DHX57: variants seen among roughly 807,000 people sequenced by gnomAD.
The protein encoded by DHX57 is DExH-box helicase 57, also known as putative ATP-dependent RNA helicase DHX57.
Under a neutral mutation model 156.2 loss-of-function variants are expected in DHX57, and 105 were observed. That is an observed-to-expected ratio of 0.67 (90% confidence interval 0.57 to 0.79). The LOEUF (loss-of-function observed/expected upper bound fraction) is 0.79. Among genes scored for constraint, DHX57 ranks in the 30% least tolerant of loss-of-function variants. The probability of loss-of-function intolerance (pLI) is 0.00; values close to 1 mark genes in which losing one functional copy is unlikely to be tolerated. For missense variants in DHX57, 1,847 were observed against 1,661.9 expected (o/e 1.11, Z -1.94); for synonymous variants, 704 against 595.6 (o/e 1.18, Z -2.65).
At chr2:38,862,908 C>T (rs1673310877) in intron 3 of DHX57, 1 of 156,230 alleles carries the variant, frequency 6.4e-6, no homozygotes, top group Non-Finnish European at 1.4e-5. Context: ...TTAACTTCTC[C>T]AACTGAAATC....
At chr2:38,871,085 T>G (rs771374892) in intron 1 of DHX57, among the ~76,000 whole-genome samples, 1 of 152,100 alleles carries the variant, frequency 6.6e-6, no homozygotes, top group Non-Finnish European at 1.5e-5. Flanking sequence ...GTAATTTAAA[T>G]CTACATGAAA....
At chr2:38,853,949 A>G (rs761517039) in intron 9 of DHX57, 105 bp downstream of exon 9, 7 of 1,168,050 alleles carry the variant, frequency 6.0e-6, no homozygotes, top group Non-Finnish European at 8.3e-6. Flanking sequence ...GTGGCAAATT[A>G]CCATTACTAG....
chr2:38,854,176 G>C lies in DHX57; in HGVS notation c.1908C>G (p.Ser636=), dbSNP rs760681806. 1.9e-6 allele frequency: 3 copies of C among 1,612,896 alleles called. No individual in the cohort carries two copies. Among genetic ancestry groups the C allele is most frequent in the East Asian group, 4.5e-5 (2 of 44,796 alleles). ...TGCAGTATAACAGTCTGGTGGCTGA[G>C]GACTTACACATGAAAGGGCAATATA... is the stretch of plus-strand genomic sequence containing the variant. ...GYQIRLESVK[S]SATRLLYCTT... The change falls in exon 9 of 24, where the codon TCC becomes TCG. Residue 636 remains serine, a splice_region_variant and synonymous_variant. Coordinates refer to ENST00000457308, the MANE Select transcript of DHX57 (RefSeq NM_198963.3).
At chr2:38,831,126 GA>G (rs531574739) in intron 13 of DHX57, among the ~76,000 whole-genome samples, 5 of 146,646 alleles carry the variant, frequency 3.4e-5, no homozygotes, top group Admixed American at 1.4e-4. Context: ...AAATACAAAG[GA>G]AAAAAAAAGC....
intron 1 of DHX57, among the ~76,000 whole-genome samples, chr2:38,873,476 A>G (rs748229683): frequency 6.6e-6 from 1 of 152,238 alleles, no homozygotes; most frequent in Non-Finnish European, 1.5e-5. Context: ...TTCAGAGTTT[A>G]TCTTAAGTTT....
chr2:38,820,975 G>A (rs1010952011), intron 17 of DHX57, among the ~76,000 whole-genome samples: 1 of 150,852 alleles, frequency 6.6e-6, no homozygotes, highest in Non-Finnish European at 1.5e-5. Context: ...CCATATGCTT[G>A]ACCATAAAAC....
intron 2 of DHX57, among the ~76,000 whole-genome samples, chr2:38,865,005 G>C (rs1664991319): frequency 1.3e-5 from 2 of 152,056 alleles, no homozygotes; most frequent in Admixed American, 1.3e-4. Flanking sequence ...GATCTTATTG[G>C]CTACTCTCCT....
At chr2:38,815,036 G>A (rs1027031588) in intron 20 of DHX57, among the ~76,000 whole-genome samples, 1 of 149,496 alleles carries the variant, frequency 6.7e-6, no homozygotes, top group African/African-American at 2.5e-5. Context: ...CTATTCTTAT[G>A]AGTGTTAGCT....
intron 1 of DHX57, among the ~76,000 whole-genome samples, chr2:38,870,867 A>G (rs1665320609): frequency 6.6e-6 from 1 of 152,052 alleles, no homozygotes; most frequent in South Asian, 2.1e-4. Context: ...TGACAGAGTG[A>G]GACTCCATCT....
Position 38,875,911 on chromosome 2 carries a change from A to C in DHX57, c.-131T>G, listed in dbSNP as rs1182402692. 3 of 396,636 alleles carry C rather than the reference A, an allele frequency of 7.6e-6. No homozygotes were observed. 24.6% of individuals were successfully genotyped at this position (396,636 alleles called of 1,614,324 possible). A position where few individuals can be genotyped will look rare whatever the true frequency, so the allele number is the denominator to read the frequency against. ...AGCAGCCCTGCGGTGGCCCAGCTGC[A>C]GCGGCACAGTCCCGGCGCCTTCTGA... On this transcript the variant is annotated 5_prime_UTR_variant, in exon 1 of 24. Transcript: ENST00000457308.
chr2:38,839,936 T>C (rs1671893008), intron 12 of DHX57, among the ~76,000 whole-genome samples: 1 of 152,020 alleles, frequency 6.6e-6, no homozygotes, highest in Non-Finnish European at 1.5e-5. Context: ...AAACTGAACA[T>C]AGTTTTGTTT....
intron 21 of DHX57, among the ~76,000 whole-genome samples, chr2:38,812,763 C>T (rs1360464045): frequency 1.3e-5 from 2 of 151,968 alleles, no homozygotes; most frequent in Admixed American, 1.3e-4. Context: ...GAACTCCTGA[C>T]CTCAGGCGAT....
At position 38,802,700 on chromosome 2, in the gene DHX57, C is replaced by A. The variant is rs779396477; in HGVS notation, c.4017+15G>T. 22 of 1,613,434 alleles carry A rather than the reference C, an allele frequency of 1.4e-5. No individual in the cohort carries two copies. The highest frequency in any genetic ancestry group is 1.8e-5 in the Non-Finnish European group (21 of 1,179,940). ...ATGGCCTGAGCCTCATAAAACAGAC[C>A]AATTCTGCCTTTACCTGATGGGAAG... is the stretch of plus-strand genomic sequence containing the variant. On this transcript the variant is annotated intron_variant, in intron 23 of 23. Coordinates refer to ENST00000457308, the MANE Select transcript of DHX57 (RefSeq NM_198963.3).
intron 13 of DHX57, among the ~76,000 whole-genome samples, chr2:38,837,162 T>C (rs1572665184): frequency 1.3e-5 from 2 of 152,182 alleles, no homozygotes; most frequent in East Asian, 3.9e-4. Flanking sequence ...ATTATTATAA[T>C]TATAATGTCA....
intron 21 of DHX57, among the ~76,000 whole-genome samples, chr2:38,807,317 A>C (rs967788616): frequency 1.9e-4 from 29 of 152,050 alleles, no homozygotes; most frequent in African/African-American, 7.0e-4. Flanking sequence ...GGCCTCCCAA[A>C]GTGCTGGATT....
chr2:38,856,816 T>G (rs1412781019), intron 6 of DHX57: 2 of 169,348 alleles, frequency 1.2e-5, no homozygotes, highest in African/African-American at 4.8e-5. Flanking sequence ...AGAGTCTTGT[T>G]ATGTTGCCCT....
chr2:38,830,042 T>C (rs556372747), intron 13 of DHX57, among the ~76,000 whole-genome samples: 2 of 152,280 alleles, frequency 1.3e-5, no homozygotes, highest in East Asian at 3.9e-4. Flanking sequence ...AGAAAAATGG[T>C]ACTGTTTTCA....
At chr2:38,825,725 T>G in intron 16 of DHX57, 122 bp downstream of exon 16, 37 of 939,138 alleles carry the variant, frequency 3.9e-5, no homozygotes, top group Non-Finnish European at 5.5e-5. Context: ...CACAAATAAA[T>G]GAGATTATTG....
intron 10 of DHX57, 46 bp downstream of exon 10, chr2:38,848,223 A>G: frequency 6.6e-7 from 1 of 1,509,602 alleles, no homozygotes. Context: ...AAATAATTAT[A>G]TTTGCTTATT....
Sources: allele counts gnomAD v4.1 joint callset (sites outside exome capture counted in the v4.1 genomes callset), GRCh38; gene constraint gnomAD v4.1.1; transcripts MANE v1.5; gene names NCBI Gene and HGNC (gene_info 2026-07-23, HGNC 2026-07-21).